Variants in COMMD4 observed in about 807,000 individuals in gnomAD.
COMMD4 encodes the protein COMM domain-containing protein 4.
COMMD4 carries 18 observed loss-of-function variants against 27.5 expected under a neutral mutation model. That is an observed-to-expected ratio of 0.65 (90% confidence interval 0.45 to 0.97). COMMD4 has a LOEUF of 0.97. Among genes scored for constraint, COMMD4 ranks in the 50% least tolerant of loss-of-function variants. The pLI, the probability that COMMD4 is intolerant of heterozygous loss-of-function variation, is 0.00. For synonymous variants in COMMD4, 108 were observed against 108.4 expected, an observed-to-expected ratio of 1.00 and a Z score of 0.02; for missense variants, 243 against 250.0, an observed-to-expected ratio of 0.97 and a Z score of 0.19.
intron 1 of COMMD4, chr15:75,336,572 TCCATCCATC>T (rs1393407347): frequency 4.3e-6 from 1 of 233,244 alleles, no homozygotes; most frequent in Non-Finnish European, 8.5e-6. Context: ...GACTTATCCA[TCCATCCATC>T]CAATCCATCC....
rs778792018 is a variant in COMMD4 at position 75,338,778 on chromosome 15, ATCCTTAACTTACCT to A, written c.181+97_181+110del. 2.7e-5 allele frequency: 40 copies of A among 1,465,520 alleles called. No homozygotes were observed. The East Asian group carries it at 2.9e-4, about 10-fold the overall frequency. The allele number at this position is 1,465,520 out of a possible 1,614,324, so 90.8% of individuals were successfully genotyped here. ...GGGGCCCCCCACCCCTCCCAGCAGCATCCTTAACTTACCTTCCCTAGTGGAGGAGCATGAGGGAA... is the reference window on the plus strand; with the variant it reads ...GGGGCCCCCCACCCCTCCCAGCAGCATCCCTAGTGGAGGAGCATGAGGGAA... On this transcript the variant is annotated intron_variant, in intron 4 of 7. Coordinates refer to ENST00000267935, the MANE Select transcript of COMMD4 (RefSeq NM_017828.5).
downstream of COMMD4, chr15:75,342,223 C>A (rs76225176): frequency 6.6e-6 from 1 of 151,974 alleles, no homozygotes; most frequent in African/African-American, 2.4e-5. Flanking sequence ...GAGACAAATA[C>A]CTCGTCACCT....
At chr15:75,337,955 T>C (rs2071271830) in intron 1 of COMMD4, 107 bp from the exon 2 acceptor site, 1 of 1,109,406 alleles carries the variant, frequency 9.0e-7, no homozygotes, top group African/African-American at 1.6e-5. Context: ...TATCCATCTA[T>C]GTCGGGGACC....
chr15:75,338,024 C>T lies in COMMD4; in HGVS notation c.4-38C>T, dbSNP rs200477094. The stretch of plus-strand genomic sequence containing the variant: ...CACGGATCCTGGCCACACCTCAGGC[C>T]TCCCTCCAGCCTGATTACCTGCCTC... On this transcript the variant is annotated intron_variant, in intron 1 of 7. Transcript: ENST00000267935. The T allele has an allele frequency of 8.5e-5, 132 of 1,556,854 alleles. No individual in the cohort carries two copies. In the East Asian group the frequency reaches 2.6e-3, roughly 31 times the overall value.
chr15:75,336,518 C>T (rs1005089694), intron 1 of COMMD4: 2 of 368,908 alleles, frequency 5.4e-6, no homozygotes, highest in Non-Finnish European at 9.8e-6. Flanking sequence ...TTAGGAAGCC[C>T]CTCCGCTCTT....
chr15:75,336,121 G>C, intron 1 of COMMD4, 29 bp downstream of exon 1: 1 of 1,549,804 alleles, frequency 6.5e-7, no homozygotes, highest in South Asian at 1.2e-5. Context: ...AGCGAGGCTT[G>C]GGCTGCTGGA....
At chr15:75,339,384 A>G in intron 6 of COMMD4, 40 bp downstream of exon 6, 1 of 1,598,552 alleles carries the variant, frequency 6.3e-7, no homozygotes, top group Non-Finnish European at 8.5e-7. Flanking sequence ...TCATTCTAGA[A>G]GGTGCACGCA....
At chr15:75,339,427 G>A (rs139855651) in intron 6 of COMMD4, 83 bp downstream of exon 6, 22,414 of 1,551,404 alleles carry the variant, frequency 0.014, 217 homozygotes, top group Non-Finnish European at 0.017. Flanking sequence ...CCAGGGAGAC[G>A]ACTTAACCAC....
At chr15:75,336,710 G>A (rs2071209189) in intron 1 of COMMD4, 1 of 154,550 alleles carries the variant, frequency 6.5e-6, no homozygotes, top group Non-Finnish European at 1.4e-5. Flanking sequence ...TAAGGCTCCA[G>A]GGGCAGAGAC....
chr15:75,340,150 C>G lies in COMMD4; in HGVS notation c.*145C>G. On this transcript the variant is annotated 3_prime_UTR_variant, in exon 8 of 8. Transcript: ENST00000267935. ...GCCTCCCAGATCCCCAGCTGCCTCA[C>G]TTCTCTCTTGAGAACTTGGCTCAGG... 1 of 921,336 alleles carries G rather than the reference C, an allele frequency of 1.1e-6. No homozygotes were observed. Among genetic ancestry groups the G allele is most frequent in the African/African-American group, 1.7e-5 (1 of 60,308 alleles). The allele number at this position is 921,336 out of a possible 1,614,324, so 57.1% of individuals were successfully genotyped here. A position where few individuals can be genotyped will look rare whatever the true frequency, so the allele number is the denominator to read the frequency against.
chr15:75,339,232 C>G, intron 5 of COMMD4, 32 bp from the exon 6 acceptor site: 1 of 1,612,164 alleles, frequency 6.2e-7, no homozygotes, highest in Non-Finnish European at 8.5e-7. Context: ...CCCCGACATG[C>G]TACCTCCAGA....
At chr15:75,339,939 C>T (rs117112913) in intron 7 of COMMD4, 26 bp from the exon 8 acceptor site, 36,432 of 1,614,138 alleles carry the variant, frequency 0.023, 540 homozygotes, top group Non-Finnish European at 0.028. Context: ...GACTGCCTCC[C>T]ACCTGCCCAC....
intron 1 of COMMD4, chr15:75,337,588 C>T (rs111467165): frequency 1.3e-5 from 2 of 153,458 alleles, no homozygotes; most frequent in African/African-American, 5.2e-5. Flanking sequence ...GTGAAACTGT[C>T]TCAAAAAAAA....
chr15:75,336,322 G>C (rs758138545), intron 1 of COMMD4: 240 of 1,400,124 alleles, frequency 1.7e-4, no homozygotes, highest in Middle Eastern at 5.3e-4. Flanking sequence ...TTAGAGTCCC[G>C]GTGCTTCCCT....
At chr15:75,341,060 C>T (rs185821232), downstream of COMMD4, 1,824 of 152,320 alleles carry the variant, frequency 0.012, 21 homozygotes, top group South Asian at 0.029. Context: ...ATGCTGAAGC[C>T]TCTGTCCACA....
chr15:75,336,271 G>A (rs1212520345), intron 1 of COMMD4, 179 bp downstream of exon 1: 5 of 1,499,958 alleles, frequency 3.3e-6, no homozygotes, highest in African/African-American at 1.4e-5. Context: ...CGAGACGGGG[G>A]CGGGGGTACG....
intron 1 of COMMD4, 94 bp downstream of exon 1, chr15:75,336,186 C>T: frequency 6.5e-7 from 1 of 1,549,244 alleles, no homozygotes; most frequent in Non-Finnish European, 8.7e-7. Flanking sequence ...TTGTACTGGC[C>T]TCTCCGCAAA....
chr15:75,339,660 T>A, intron 6 of COMMD4, 42 bp from the exon 7 acceptor site: 3 of 1,544,994 alleles, frequency 1.9e-6, no homozygotes, highest in Non-Finnish European at 2.6e-6. Context: ...TCTACTTGGC[T>A]TGCCTGCTTT....
intron 1 of COMMD4, chr15:75,336,503 C>T: frequency 2.3e-6 from 1 of 435,814 alleles, no homozygotes; most frequent in Non-Finnish European, 4.1e-6. Context: ...CACTCTTCCA[C>T]ACTGTTAGGA....
Sources: gnomAD v4.1 joint callset for allele counts on GRCh38, gnomAD v4.1.1 for gene constraint, MANE v1.5 for transcripts, NCBI Gene and HGNC (gene_info 2026-07-23, HGNC 2026-07-21) for gene names.